Variants in COLQ observed in about 807,000 individuals in gnomAD.
The protein encoded by COLQ is collagen like tail subunit of asymmetric acetylcholinesterase.
COLQ carries 48 observed loss-of-function variants against 69.0 expected under a neutral mutation model. The observed-to-expected ratio is 0.70, with a 90% CI of 0.55 to 0.88. The LOEUF (loss-of-function observed/expected upper bound fraction) is 0.88. Among genes scored for constraint, COLQ ranks in the 40% least tolerant of loss-of-function variants. COLQ has a pLI of 0.00. For synonymous variants in COLQ, 217 were observed against 211.2 expected (o/e 1.03, Z -0.24); for missense variants, 618 against 594.6 (o/e 1.04, Z -0.41).
At chr3:15,472,146 A>G (rs902030439) in intron 10 of COLQ, among the ~76,000 whole-genome samples, 1 of 152,210 alleles carries the variant, frequency 6.6e-6, no homozygotes, top group African/African-American at 2.4e-5. Context: ...TCAGATGGGA[A>G]GTCTAGTAAA....
chr3:15,464,957 C>T (rs1229155123), intron 12 of COLQ, among the ~76,000 whole-genome samples: 1 of 152,172 alleles, frequency 6.6e-6, no homozygotes, highest in African/African-American at 2.4e-5. Flanking sequence ...GGGCGGATCA[C>T]GAGGTCCGGA....
chr3:15,453,054 C>T (rs1416917604), intron 16 of COLQ, among the ~76,000 whole-genome samples: 6 of 152,172 alleles, frequency 3.9e-5, no homozygotes, highest in African/African-American at 9.7e-5. Context: ...TAAAAAGGAA[C>T]GGCCTCCCCA....
At chr3:15,499,831 T>C (rs1575490809) in intron 1 of COLQ, among the ~76,000 whole-genome samples, 1 of 152,318 alleles carries the variant, frequency 6.6e-6, no homozygotes, top group Non-Finnish European at 1.5e-5. Context: ...TGTGTGACCT[T>C]GAGGAAGTTA....
At chr3:15,512,393 G>A (rs546661472) in intron 1 of COLQ, among the ~76,000 whole-genome samples, 4 of 152,300 alleles carry the variant, frequency 2.6e-5, no homozygotes, top group South Asian at 2.1e-4. Context: ...AGATAAGTGC[G>A]GGCTTGAATG....
intron 12 of COLQ, among the ~76,000 whole-genome samples, chr3:15,461,707 C>A (rs1337184553): frequency 6.6e-6 from 1 of 152,168 alleles, no homozygotes; most frequent in Non-Finnish European, 1.5e-5. Flanking sequence ...GGCATCACTT[C>A]TCTTTGAGGT....
intron 1 of COLQ, among the ~76,000 whole-genome samples, chr3:15,501,334 C>A (rs188996639): frequency 1.3e-5 from 2 of 152,200 alleles, no homozygotes; most frequent in South Asian, 2.1e-4. Context: ...TGTTCCCTGC[C>A]GATGGGGCTG....
chr3:15,455,175 C>A (rs990000049), intron 15 of COLQ, among the ~76,000 whole-genome samples: 2 of 152,200 alleles, frequency 1.3e-5, no homozygotes, highest in Non-Finnish European at 2.9e-5. Flanking sequence ...ACATCATACC[C>A]ATTTTACAGG....
chr3:15,503,284 G>A (rs1463814960), intron 1 of COLQ, among the ~76,000 whole-genome samples: 1 of 152,222 alleles, frequency 6.6e-6, no homozygotes, highest in Non-Finnish European at 1.5e-5. Context: ...CAAAATGTGT[G>A]CTCCCTCTTC....
chr3:15,481,251 T>C (rs2062478865), intron 3 of COLQ, among the ~76,000 whole-genome samples: 1 of 152,240 alleles, frequency 6.6e-6, no homozygotes, highest in African/African-American at 2.4e-5. Flanking sequence ...CCATTGCTTT[T>C]GGTGTTTTAG....
intron 16 of COLQ, 93 bp downstream of exon 16, chr3:15,453,736 G>T: frequency 1.2e-6 from 1 of 831,742 alleles, no homozygotes. Context: ...ACAAAGTGGA[G>T]AGGCACTCAA....
At chr3:15,511,666 G>C (rs1363792639) in intron 1 of COLQ, among the ~76,000 whole-genome samples, 1 of 152,162 alleles carries the variant, frequency 6.6e-6, no homozygotes, top group South Asian at 2.1e-4. Flanking sequence ...CGAGAAGATC[G>C]ACAGAAGGAA....
chr3:15,514,757 G>C (rs1031202762), intron 1 of COLQ, among the ~76,000 whole-genome samples: 2 of 152,186 alleles, frequency 1.3e-5, no homozygotes, highest in Admixed American at 1.3e-4. Flanking sequence ...ATGCCCAGAG[G>C]GGGCTAGAGA....
rs3274 is a variant in COLQ, at chr3:15,450,249, G to C, written c.*1395C>G. ...CTCGCAGTAGAGGCGAAGGGAACAG[G>C]GCTGCCCATGTGCCTGTCTCTAAAG... On this transcript the variant is annotated 3_prime_UTR_variant, in exon 17 of 17. Transcript: ENST00000383788. 6.5e-6 allele frequency: 1 copy of C among 152,944 alleles called. No homozygotes were observed. Among genetic ancestry groups the C allele is most frequent in the African/African-American group, 2.4e-5 (1 of 41,370 alleles). 9.5% of individuals were successfully genotyped at this position (152,944 alleles called of 1,614,324 possible). A position where few individuals can be genotyped will look rare whatever the true frequency, so the allele number is the denominator to read the frequency against.
intron 1 of COLQ, chr3:15,498,772 T>C: frequency 1.3e-6 from 2 of 1,512,242 alleles, no homozygotes; most frequent in Non-Finnish European, 1.8e-6. Flanking sequence ...CCTGAGCTCC[T>C]GGGAGTAGCA....
At chr3:15,488,548 G>A (rs941375392) in intron 2 of COLQ, among the ~76,000 whole-genome samples, 1 of 152,086 alleles carries the variant, frequency 6.6e-6, no homozygotes, top group African/African-American at 2.4e-5. Flanking sequence ...GATAGAGTTT[G>A]GAAGCTCATT....
At chr3:15,512,386 T>A (rs1194110261) in intron 1 of COLQ, among the ~76,000 whole-genome samples, 1 of 152,200 alleles carries the variant, frequency 6.6e-6, no homozygotes, top group Non-Finnish European at 1.5e-5. Flanking sequence ...CCATGAGAGA[T>A]AAGTGCGGGC....
At chr3:15,474,713 C>T (rs1203880217) in intron 8 of COLQ, among the ~76,000 whole-genome samples, 1 of 152,234 alleles carries the variant, frequency 6.6e-6, no homozygotes, top group Admixed American at 6.5e-5. Context: ...GGGCCTCTGC[C>T]TCTATGGGGA....
chr3:15,506,766 G>A (rs1253014060), intron 1 of COLQ: 1 of 152,180 alleles, frequency 6.6e-6, no homozygotes, highest in Non-Finnish European at 1.5e-5. Context: ...CTCCTGGAAG[G>A]ACACTGTGGT....
intron 10 of COLQ, among the ~76,000 whole-genome samples, chr3:15,472,156 A>C (rs1411454189): frequency 6.6e-6 from 1 of 152,204 alleles, no homozygotes; most frequent in Non-Finnish European, 1.5e-5. Context: ...AGTCTAGTAA[A>C]TGGTGCAGAG....
Sources: gnomAD v4.1 joint callset for allele counts (sites outside exome capture counted in the v4.1 genomes callset) on GRCh38, gnomAD v4.1.1 for gene constraint, MANE v1.5 for transcripts, NCBI Gene and HGNC (gene_info 2026-07-23, HGNC 2026-07-21) for gene names.